The following VPS13B variants were observed in gnomAD, a reference collection of about 807,000 sequenced individuals.
VPS13B encodes the protein intermembrane lipid transfer protein VPS13B.
A neutral mutation model predicts 426.4 loss-of-function variants in VPS13B; 285 were observed. That is an observed-to-expected ratio of 0.67 (90% CI 0.61 to 0.74). VPS13B has a LOEUF of 0.74. VPS13B is among the 30% of genes least tolerant of loss of function. The pLI is 0.00. For synonymous variants in VPS13B, 1,676 were observed against 1,676.4 expected (o/e 1.00, Z 0.01); for missense variants, 4,537 against 4,782.6 (o/e 0.95, Z 1.51).
intron 19 of VPS13B, among the ~76,000 whole-genome samples, chr8:99,327,044 T>C (rs1434546763): frequency 6.6e-6 from 1 of 152,204 alleles, no homozygotes; most frequent in African/African-American, 2.4e-5. Context: ...GTACAAAGAT[T>C]CGTTTATGAG....
chr8:99,652,704 A>G (rs1205966465), intron 34 of VPS13B, among the ~76,000 whole-genome samples: 1 of 152,156 alleles, frequency 6.6e-6, no homozygotes, highest in African/African-American at 2.4e-5. Flanking sequence ...AAAAGATTGA[A>G]TTATATGCCT....
intron 3 of VPS13B, among the ~76,000 whole-genome samples, chr8:99,058,708 A>G (rs1009076252): frequency 2.0e-5 from 3 of 152,214 alleles, no homozygotes; most frequent in Non-Finnish European, 4.4e-5. Context: ...TCTTTTTGCC[A>G]TATTTTAGAA....
chr8:99,807,677 T>TTG (rs144674961), intron 43 of VPS13B, among the ~76,000 whole-genome samples: 20,760 of 146,132 alleles, frequency 0.14, 1,805 homozygotes, highest in African/African-American at 0.26. Flanking sequence ...CAGGGTGTGT[T>TTG]TGTGTGTGTG....
At chr8:99,690,347 A>C (rs956057944) in intron 35 of VPS13B, among the ~76,000 whole-genome samples, 7 of 152,304 alleles carry the variant, frequency 4.6e-5, no homozygotes, top group Admixed American at 2.0e-4. Flanking sequence ...AAACTGTAAA[A>C]CTCTTAAAAG....
intron 2 of VPS13B, among the ~76,000 whole-genome samples, chr8:99,038,198 C>T (rs901058166): frequency 6.6e-6 from 1 of 152,026 alleles, no homozygotes; most frequent in East Asian, 1.9e-4. Flanking sequence ...GTATTTGATG[C>T]TACTTTTTGA....
chr8:99,757,882 AT>A (rs1810722825), intron 39 of VPS13B, among the ~76,000 whole-genome samples: 1 of 152,258 alleles, frequency 6.6e-6, no homozygotes, highest in Non-Finnish European at 1.5e-5. Context: ...TAATAAAAAA[AT>A]ATATAATCCT....
intron 17 of VPS13B, among the ~76,000 whole-genome samples, chr8:99,254,127 C>G (rs1199895006): frequency 1.3e-5 from 2 of 152,116 alleles, no homozygotes. Flanking sequence ...TTTTTGCTTG[C>G]TGTATTCTCC....
Position 99,699,865 on chromosome 8 carries a change from A to G in VPS13B, c.6387A>G (p.Pro2129=). The change falls in exon 36 of 62, where the codon CCA becomes CCG. Residue 2129 remains proline, a synonymous_variant. Transcript: ENST00000357162. The part of the protein sequence containing the change: ...SMETVPHTSK[P]CLLASLSNLN... The stretch of plus-strand genomic sequence containing the variant: ...AAACTGTACCCCATACCAGCAAACC[A>G]TGCCTGTTAGCATCTCTCTCAAACC... 1 of 1,613,882 alleles carries G rather than the reference A, an allele frequency of 6.2e-7. No individual in the cohort carries two copies. Among genetic ancestry groups the G allele is most frequent in the South Asian group, 1.1e-5 (1 of 90,982 alleles).
chr8:99,590,017 C>G (rs1826531183), intron 33 of VPS13B, among the ~76,000 whole-genome samples: 1 of 152,068 alleles, frequency 6.6e-6, no homozygotes. Context: ...ATTTCAGAGC[C>G]TGTTATTGGT....
intron 17 of VPS13B, among the ~76,000 whole-genome samples, chr8:99,245,047 T>C (rs1319534990): frequency 1.3e-5 from 2 of 152,240 alleles, no homozygotes; most frequent in African/African-American, 4.8e-5. Flanking sequence ...GTTGGCTCTC[T>C]TGTGCTTTCT....
At chr8:99,338,941 T>A (rs1811081481) in intron 19 of VPS13B, among the ~76,000 whole-genome samples, 1 of 152,186 alleles carries the variant, frequency 6.6e-6, no homozygotes, top group South Asian at 2.1e-4. Context: ...GAGAATAATA[T>A]AATGAGTATC....
chr8:99,477,172 G>T (rs1282535281), intron 24 of VPS13B, among the ~76,000 whole-genome samples: 2 of 152,104 alleles, frequency 1.3e-5, no homozygotes, highest in African/African-American at 4.8e-5. Flanking sequence ...CATGGTCAAA[G>T]ATACCTATAT....
At chr8:99,861,968 C>A in intron 58 of VPS13B, 22 bp downstream of exon 58, 1 of 1,564,972 alleles carries the variant, frequency 6.4e-7, no homozygotes, top group South Asian at 1.2e-5. Flanking sequence ...CGGGGCCTCC[C>A]ACCTGTCTGT....
chr8:99,531,531 G>C (rs1822936069), intron 30 of VPS13B, among the ~76,000 whole-genome samples: 1 of 152,046 alleles, frequency 6.6e-6, no homozygotes, highest in Non-Finnish European at 1.5e-5. Flanking sequence ...AAGAAAAAGA[G>C]ATGTTAAAAC....
rs1278292892 is a variant in VPS13B at position 99,640,022 on chromosome 8, T to TAAG, written c.5221-1787_5221-1786insGAA. Reference sequence around the variant, plus strand: ...ATAATAATAATAATAATAATAATAATAATAAGAAGAAGAAGAAGAAGAAGA... The same window carrying TAAG: ...ATAATAATAATAATAATAATAATAATAAGAATAAGAAGAAGAAGAAGAAGAAGA... On this transcript the variant is annotated intron_variant, in intron 33 of 61. Coordinates refer to ENST00000357162, the MANE Select transcript of VPS13B (RefSeq NM_152564.5). Among the ~76,000 whole-genome samples, 157 of 89,384 alleles carry TAAG rather than the reference T, an allele frequency of 1.8e-3. 7 individuals carry two copies. Among genetic ancestry groups the TAAG allele is most frequent in the East Asian group, 7.3e-3 (26 of 3,556 alleles). The allele number at this position is 89,384 out of a possible 152,430, so 58.6% of individuals were successfully genotyped here.
At chr8:99,106,755 G>A (rs532398054) in intron 5 of VPS13B, among the ~76,000 whole-genome samples, 7 of 152,144 alleles carry the variant, frequency 4.6e-5, no homozygotes, top group Admixed American at 2.0e-4. Context: ...TCAGGTTTTC[G>A]TCTGTAACAA....
At chr8:99,018,054 T>C (rs1841707777) in intron 2 of VPS13B, among the ~76,000 whole-genome samples, 1 of 152,196 alleles carries the variant, frequency 6.6e-6, no homozygotes, top group African/African-American at 2.4e-5. Context: ...AAATTTTACC[T>C]CTTTTTATGG....
chr8:99,262,586 ATACT>A (rs1351698222), intron 17 of VPS13B, among the ~76,000 whole-genome samples: 1 of 152,150 alleles, frequency 6.6e-6, no homozygotes, highest in African/African-American at 2.4e-5. Flanking sequence ...TGAAAGGATA[ATACT>A]TACTTCTTAC....
At chr8:99,199,876 AAC>A (rs1348903951) in intron 17 of VPS13B, among the ~76,000 whole-genome samples, 3 of 152,036 alleles carry the variant, frequency 2.0e-5, no homozygotes, top group Non-Finnish European at 2.9e-5. Flanking sequence ...AGTTTTTAAA[AAC>A]AGTTTTATTT....
Sources: gnomAD v4.1 joint callset for allele counts (sites outside exome capture counted in the v4.1 genomes callset) on GRCh38, gnomAD v4.1.1 for gene constraint, MANE v1.5 for transcripts, NCBI Gene and HGNC (gene_info 2026-07-23, HGNC 2026-07-21) for gene names.